Variants in HSD17B6 observed in about 807,000 individuals in gnomAD.
HSD17B6 encodes the protein hydroxysteroid 17-beta dehydrogenase 6.
In HSD17B6, 16 loss-of-function variants were observed where a neutral mutation model predicts 26.4. That is an observed-to-expected ratio of 0.61 (90% CI 0.41 to 0.92). The LOEUF is 0.92. Among genes scored for constraint, HSD17B6 ranks in the 40% least tolerant of loss-of-function variants. The pLI, the probability that HSD17B6 is intolerant of heterozygous loss-of-function variation, is 0.00. For missense variants in HSD17B6, 357 were observed against 386.1 expected (o/e 0.92, Z 0.63); for synonymous variants, 139 against 153.0 (o/e 0.91, Z 0.68).
At chr12:56,783,450 T>C (rs1406806737) in intron 3 of HSD17B6, among the ~76,000 whole-genome samples, 77 of 101,822 alleles carry the variant, frequency 7.6e-4, no homozygotes, top group Middle Eastern at 9.4e-3. Flanking sequence ...CGGGCAGAGG[T>C]GCCCCTCACC....
At chr12:56,783,001 C>T (rs566706675) in intron 3 of HSD17B6, among the ~76,000 whole-genome samples, 1 of 152,350 alleles carries the variant, frequency 6.6e-6, no homozygotes, top group South Asian at 2.1e-4. Context: ...AAGAATTTTT[C>T]TTAGTACAGA....
At chr12:56,786,546 A>G (rs1056197786) in intron 4 of HSD17B6, among the ~76,000 whole-genome samples, 8 of 152,090 alleles carry the variant, frequency 5.3e-5, no homozygotes, top group South Asian at 2.1e-4. Context: ...CACTGCACCC[A>G]GCCATCAGAA....
intron 1 of HSD17B6, among the ~76,000 whole-genome samples, chr12:56,767,653 A>C (rs935727130): frequency 2.1e-5 from 3 of 144,352 alleles, no homozygotes; most frequent in African/African-American, 5.1e-5. Context: ...TATTATATAT[A>C]TTATATATAT....
intron 1 of HSD17B6, among the ~76,000 whole-genome samples, chr12:56,767,710 C>G (rs922913450): frequency 7.1e-6 from 1 of 141,154 alleles, no homozygotes; most frequent in African/African-American, 2.6e-5. Context: ...TATATATACA[C>G]ATATATACAC....
Position 56,782,643 on chromosome 12 carries a change from G to A in HSD17B6, c.572+411G>A, listed in dbSNP as rs1333253310. On this transcript the variant is annotated intron_variant, in intron 3 of 4. Transcript: ENST00000322165. ...CTGGTAGCTGGGACTATGGGTGCAC[G>A]CTGCCATGCCCAGCTAATTTTTTTT... Among the ~76,000 whole-genome samples the A allele has an allele frequency of 2.7e-5, 4 of 150,416 alleles. No homozygotes were observed. In the East Asian group the frequency reaches 5.8e-4, roughly 22 times the overall value.
chr12:56,777,762 A>C (rs1432716862), intron 2 of HSD17B6, among the ~76,000 whole-genome samples: 1 of 152,184 alleles, frequency 6.6e-6, no homozygotes, highest in Non-Finnish European at 1.5e-5. Context: ...TTAAAATATT[A>C]CTTCCTTCCA....
chr12:56,769,025 T>A (rs1418263613), intron 1 of HSD17B6, among the ~76,000 whole-genome samples: 1 of 132,820 alleles, frequency 7.5e-6, no homozygotes, highest in Non-Finnish European at 1.6e-5. Context: ...AAGAAAGAAG[T>A]AGAGGGGAGT....
chr12:56,773,671 A>G (rs936996944), intron 1 of HSD17B6, among the ~76,000 whole-genome samples, 163 bp from the exon 2 acceptor site: 3 of 152,168 alleles, frequency 2.0e-5, no homozygotes, highest in African/African-American at 7.2e-5. Flanking sequence ...TGGTTACCTC[A>G]CTGACTTCCC....
intron 3 of HSD17B6, among the ~76,000 whole-genome samples, chr12:56,784,282 G>T (rs571281165): frequency 6.6e-6 from 1 of 152,160 alleles, no homozygotes; most frequent in Admixed American, 6.5e-5. Context: ...GGTGGCAGCC[G>T]GGCAGAGGCT....
At chr12:56,766,377 C>T (rs1163905848) in intron 1 of HSD17B6, among the ~76,000 whole-genome samples, 1 of 152,202 alleles carries the variant, frequency 6.6e-6, no homozygotes, top group East Asian at 1.9e-4. Flanking sequence ...GTGCTCTGTA[C>T]TTGCCATGTT....
At chr12:56,767,064 G>A (rs1041556732) in intron 1 of HSD17B6, among the ~76,000 whole-genome samples, 9 of 152,038 alleles carry the variant, frequency 5.9e-5, no homozygotes, top group African/African-American at 2.2e-4. Flanking sequence ...AAAGGGAAAG[G>A]CAGTGTAGTG....
chr12:56,772,976 C>T (rs926182954), intron 1 of HSD17B6, among the ~76,000 whole-genome samples: 2 of 152,132 alleles, frequency 1.3e-5, no homozygotes, highest in Non-Finnish European at 2.9e-5. Context: ...GGCCCATACC[C>T]ATATTTGACC....
At chr12:56,786,767 C>T (rs539926764) in intron 4 of HSD17B6, among the ~76,000 whole-genome samples, 4 of 152,168 alleles carry the variant, frequency 2.6e-5, no homozygotes, top group South Asian at 4.1e-4. Context: ...GGGAGGATCA[C>T]GAGCCTGGGA....
At chr12:56,785,651 A>G (rs1405903586) in intron 4 of HSD17B6, among the ~76,000 whole-genome samples, 1 of 152,226 alleles carries the variant, frequency 6.6e-6, no homozygotes, top group Non-Finnish European at 1.5e-5. Context: ...AGGAGGTATT[A>G]CATACTTAGA....
chr12:56,771,546 C>T (rs577233310), intron 1 of HSD17B6, among the ~76,000 whole-genome samples: 1 of 151,372 alleles, frequency 6.6e-6, no homozygotes, highest in Admixed American at 6.6e-5. Flanking sequence ...GCAACCTCCA[C>T]CTCCCGGGTT....
intron 2 of HSD17B6, among the ~76,000 whole-genome samples, chr12:56,777,821 A>G (rs1041624370): frequency 1.3e-5 from 2 of 152,160 alleles, no homozygotes; most frequent in African/African-American, 4.8e-5. Context: ...CAGGAGTTCA[A>G]CACCAGCCTG....
intron 4 of HSD17B6, among the ~76,000 whole-genome samples, chr12:56,786,731 G>A (rs1385007380): frequency 6.6e-6 from 1 of 152,134 alleles, no homozygotes; most frequent in Non-Finnish European, 1.5e-5. Flanking sequence ...CGAACCTGTA[G>A]TCCCAGCTAT....
chr12:56,783,486 G>C (rs1284610041), intron 3 of HSD17B6, among the ~76,000 whole-genome samples: 1 of 146,014 alleles, frequency 6.8e-6, no homozygotes. Context: ...CTGGCCGGGC[G>C]GGGAGCTGAG....
At chr12:56,766,052 G>A (rs1263997681) in intron 1 of HSD17B6, among the ~76,000 whole-genome samples, 1 of 152,102 alleles carries the variant, frequency 6.6e-6, no homozygotes, top group African/African-American at 2.4e-5. Context: ...CATTAACTGA[G>A]TGATTAACTT....
Sources: gnomAD v4.1 joint callset for allele counts (sites outside exome capture counted in the v4.1 genomes callset) on GRCh38, gnomAD v4.1.1 for gene constraint, MANE v1.5 for transcripts, NCBI Gene and HGNC (gene_info 2026-07-23, HGNC 2026-07-21) for gene names.